The following UNC5D variants were observed in gnomAD, a reference collection of about 807,000 sequenced individuals.
The protein encoded by UNC5D is unc-5 netrin receptor D.
Under a neutral mutation model 105.4 loss-of-function variants are expected in UNC5D, and 39 were observed. The ratio of observed to expected loss-of-function variants is 0.37; its 90% CI spans 0.29 to 0.48. UNC5D has a LOEUF of 0.48. Among genes scored for constraint, UNC5D ranks in the 20% least tolerant of loss-of-function variants. The pLI is 0.98. For synonymous variants in UNC5D, 452 were observed against 450.4 expected, an observed-to-expected ratio of 1.00 and a Z score of -0.04; for missense variants, 991 against 1,202.4, an observed-to-expected ratio of 0.82 and a Z score of 2.60.
Position 35,795,307 on chromosome 8 carries a change from A to G in UNC5D, c.*4744A>G, listed in dbSNP as rs188106627. On this transcript the variant is annotated 3_prime_UTR_variant, in exon 17 of 17. Coordinates refer to ENST00000404895, the MANE Select transcript of UNC5D (RefSeq NM_080872.4). ...TACTTTCACAAAAGGCATGATTACAATGGAAATGCCCCTTTGCCTCCAGTT... is the reference window on the plus strand; with the variant it reads ...TACTTTCACAAAAGGCATGATTACAGTGGAAATGCCCCTTTGCCTCCAGTT... The G allele has an allele frequency of 2.5e-3, 381 of 152,336 alleles. No homozygotes were observed. The highest frequency in any genetic ancestry group is 8.4e-3 in the African/African-American group (349 of 41,582). 9.4% of individuals were successfully genotyped at this position (152,336 alleles called of 1,614,324 possible).
chr8:35,767,171 A>G (rs750511755), intron 15 of UNC5D, 105 bp downstream of exon 15: 5 of 1,317,896 alleles, frequency 3.8e-6, no homozygotes, highest in African/African-American at 1.5e-5. Flanking sequence ...AAGAGCTTCA[A>G]AATGCACAAA....
chr8:35,616,375 G>A (rs1821024803), intron 4 of UNC5D, among the ~76,000 whole-genome samples: 1 of 152,232 alleles, frequency 6.6e-6, no homozygotes, highest in Non-Finnish European at 1.5e-5. Context: ...AAGCTAAGCA[G>A]AAGGGAAGAG....
chr8:35,746,977 TTGCTAATACAC>T (rs1278869698), intron 11 of UNC5D, among the ~76,000 whole-genome samples: 1 of 152,206 alleles, frequency 6.6e-6, no homozygotes, highest in African/African-American at 2.4e-5. Flanking sequence ...GCATTTGATG[TTGCTAATACAC>T]TGCTTTCCAG....
chr8:35,320,633 T>C (rs569277385), intron 1 of UNC5D, among the ~76,000 whole-genome samples: 1 of 152,270 alleles, frequency 6.6e-6, no homozygotes, highest in East Asian at 1.9e-4. Context: ...AGTGTCAGGC[T>C]GGAATTTGGT....
At chr8:35,419,945 AAGC>A (rs1477652366) in intron 1 of UNC5D, among the ~76,000 whole-genome samples, 1 of 152,102 alleles carries the variant, frequency 6.6e-6, no homozygotes, top group African/African-American at 2.4e-5. Flanking sequence ...GGTGGGGAGA[AAGC>A]AGATAGCCCC....
At chr8:35,357,199 G>T (rs557972484) in intron 1 of UNC5D, among the ~76,000 whole-genome samples, 15 of 152,206 alleles carry the variant, frequency 9.9e-5, no homozygotes, top group African/African-American at 3.6e-4. Flanking sequence ...AAAATCTAAT[G>T]ATATGATTTC....
intron 8 of UNC5D, among the ~76,000 whole-genome samples, chr8:35,711,053 C>G (rs1438940187): frequency 7.8e-6 from 1 of 128,468 alleles, no homozygotes; most frequent in Non-Finnish European, 1.5e-5. Flanking sequence ...ATTCTCCTGC[C>G]TCAGCCTCCC....
intron 1 of UNC5D, among the ~76,000 whole-genome samples, chr8:35,387,843 A>G (rs1273770332): frequency 6.6e-6 from 1 of 152,236 alleles, no homozygotes; most frequent in Non-Finnish European, 1.5e-5. Context: ...ATGATTAGCA[A>G]TAAAAATCAT....
chr8:35,352,379 A>G (rs2128910885), intron 1 of UNC5D, among the ~76,000 whole-genome samples: 1 of 152,248 alleles, frequency 6.6e-6, no homozygotes, highest in Non-Finnish European at 1.5e-5. Context: ...TTCTCTTTAC[A>G]AGATTTTCAT....
intron 2 of UNC5D, among the ~76,000 whole-genome samples, chr8:35,566,538 C>G (rs1817349438): frequency 6.6e-6 from 1 of 152,170 alleles, no homozygotes; most frequent in South Asian, 2.1e-4. Flanking sequence ...AATAAAGGAA[C>G]AGAATTGAAT....
intron 1 of UNC5D, among the ~76,000 whole-genome samples, chr8:35,444,954 CTT>C (rs1462505677): frequency 1.3e-5 from 2 of 152,028 alleles, no homozygotes; most frequent in African/African-American, 4.8e-5. Context: ...CTTCTGTTTA[CTT>C]TCAAAGTGTC....
chr8:35,438,346 A>C lies in UNC5D; in HGVS notation c.104-110946A>C, dbSNP rs566190562. On this transcript the variant is annotated intron_variant, in intron 1 of 16. Coordinates refer to ENST00000404895, the MANE Select transcript of UNC5D (RefSeq NM_080872.4). Reference sequence around the variant, plus strand: ...AATGAATGTGAAAATTTTAAAAAAGATTAAGTGACGTTTGTAGAGTGTCTT... The same window carrying C: ...AATGAATGTGAAAATTTTAAAAAAGCTTAAGTGACGTTTGTAGAGTGTCTT... 2.6e-5 allele frequency among the ~76,000 whole-genome samples: 4 copies of C among 152,218 alleles called. No homozygotes were observed. The East Asian group carries it at 7.7e-4, about 29-fold the overall frequency.
chr8:35,489,840 T>C (rs1286837662), intron 1 of UNC5D, among the ~76,000 whole-genome samples: 2 of 152,228 alleles, frequency 1.3e-5, no homozygotes, highest in Non-Finnish European at 2.9e-5. Context: ...TTCCATCTAC[T>C]TTGAAATAAT....
intron 1 of UNC5D, among the ~76,000 whole-genome samples, chr8:35,518,581 T>C (rs141914211): frequency 1.3e-5 from 2 of 152,318 alleles, no homozygotes; most frequent in Admixed American, 6.5e-5. Flanking sequence ...AGATCTACTA[T>C]TGGTAGACAG....
At position 35,657,045 on chromosome 8, in the gene UNC5D, A is replaced by AGTGTGT. The variant is rs3076999; in HGVS notation, c.571-26471_571-26466dup. ...TGCTGCCCAAGCTGGAGTGCAGTGG[A>AGTGTGT]GTGTGTGTGTGTGTGTGTGTGTGTG... On this transcript the variant is annotated intron_variant, in intron 4 of 16. Coordinates refer to ENST00000404895, the MANE Select transcript of UNC5D (RefSeq NM_080872.4). 2.6e-3 allele frequency among the ~76,000 whole-genome samples: 184 copies of AGTGTGT among 70,874 alleles called. 5 individuals are homozygous for AGTGTGT. Among genetic ancestry groups the AGTGTGT allele is most frequent in the African/African-American group, 7.0e-3 (112 of 15,958 alleles). 46.5% of individuals were successfully genotyped at this position (70,874 alleles called of 152,430 possible). A position where few individuals can be genotyped will look rare whatever the true frequency, so the allele number is the denominator to read the frequency against.
At chr8:35,757,570 C>T (rs929503229) in intron 13 of UNC5D, among the ~76,000 whole-genome samples, 2 of 152,134 alleles carry the variant, frequency 1.3e-5, no homozygotes, top group African/African-American at 4.8e-5. Context: ...CCTAGGCATT[C>T]ATGTATGGTA....
At chr8:35,657,757 A>G (rs1823866682) in intron 4 of UNC5D, among the ~76,000 whole-genome samples, 1 of 152,202 alleles carries the variant, frequency 6.6e-6, no homozygotes, top group Non-Finnish European at 1.5e-5. Flanking sequence ...AAGTGCTGGG[A>G]CTGTAGGCAT....
intron 7 of UNC5D, among the ~76,000 whole-genome samples, chr8:35,691,347 TGTG>T (rs1316209252): frequency 1.3e-5 from 2 of 151,952 alleles, no homozygotes; most frequent in African/African-American, 4.8e-5. Context: ...ACTAGCCAAG[TGTG>T]GTGGTGCATG....
intron 1 of UNC5D, among the ~76,000 whole-genome samples, chr8:35,393,913 A>G (rs1197769924): frequency 6.6e-6 from 1 of 152,158 alleles, no homozygotes; most frequent in Non-Finnish European, 1.5e-5. Flanking sequence ...AAATAATTAT[A>G]TTCCTAGTAA....
Sources: gnomAD v4.1 joint callset for allele counts (sites outside exome capture counted in the v4.1 genomes callset) on GRCh38, gnomAD v4.1.1 for gene constraint, MANE v1.5 for transcripts, NCBI Gene and HGNC (gene_info 2026-07-23, HGNC 2026-07-21) for gene names.